Variants in PHKB observed in about 807,000 individuals in gnomAD.
PHKB encodes phosphorylase b kinase regulatory subunit beta.
In PHKB, 122 loss-of-function variants were observed where a neutral mutation model predicts 152.1. The ratio of observed to expected loss-of-function variants is 0.80; its 90% CI spans 0.69 to 0.93. The LOEUF (loss-of-function observed/expected upper bound fraction) is 0.93, where lower values mean the gene tolerates loss of function less well. PHKB is among the 40% of genes least tolerant of loss of function. PHKB has a pLI of 0.00. For synonymous variants in PHKB, 436 were observed against 464.9 expected, an observed-to-expected ratio of 0.94 and a Z score of 0.80; for missense variants, 1,304 against 1,328.4, an observed-to-expected ratio of 0.98 and a Z score of 0.29.
intron 1 of PHKB, among the ~76,000 whole-genome samples, chr16:47,475,624 A>G (rs1319024389): frequency 6.6e-6 from 1 of 152,242 alleles, no homozygotes; most frequent in Non-Finnish European, 1.5e-5. Context: ...TGCTAAATGT[A>G]GGAAATAGAA....
At chr16:47,568,114 A>G (rs946399981) in intron 7 of PHKB, among the ~76,000 whole-genome samples, 2 of 152,148 alleles carry the variant, frequency 1.3e-5, no homozygotes, top group Non-Finnish European at 1.5e-5. Context: ...GATTGGTACC[A>G]GTTATTTGAA....
intron 7 of PHKB, among the ~76,000 whole-genome samples, chr16:47,562,991 A>G (rs751475742): frequency 4.6e-5 from 7 of 152,114 alleles, no homozygotes; most frequent in Non-Finnish European, 8.8e-5. Context: ...GCTCATCCAT[A>G]AGAATCAATT....
chr16:47,483,100 G>A (rs534175460), intron 1 of PHKB, among the ~76,000 whole-genome samples: 20 of 138,594 alleles, frequency 1.4e-4, no homozygotes, highest in East Asian at 9.0e-4. Context: ...GTGCAGTGGC[G>A]TGATCTCAGC....
intron 1 of PHKB, among the ~76,000 whole-genome samples, chr16:47,482,643 C>G (rs1332555568): frequency 2.0e-5 from 3 of 152,130 alleles, no homozygotes; most frequent in African/African-American, 7.2e-5. Flanking sequence ...TACTTCTGTA[C>G]GACTTGCGTA....
At chr16:47,558,676 G>A (rs1338289473) in intron 7 of PHKB, among the ~76,000 whole-genome samples, 2 of 152,190 alleles carry the variant, frequency 1.3e-5, no homozygotes, top group Admixed American at 6.5e-5. Context: ...AGCCTCTCTA[G>A]TAGCTGGGAT....
At chr16:47,684,825 G>A (rs535063635) in intron 26 of PHKB, among the ~76,000 whole-genome samples, 4 of 151,986 alleles carry the variant, frequency 2.6e-5, no homozygotes, top group African/African-American at 2.4e-5. Context: ...TCCCAGAACT[G>A]TCTGAAGAAT....
intron 1 of PHKB, among the ~76,000 whole-genome samples, chr16:47,465,111 A>G (rs980738664): frequency 3.9e-5 from 6 of 152,268 alleles, no homozygotes; most frequent in African/African-American, 9.6e-5. Flanking sequence ...AAAACTCTTT[A>G]AGGAACTAAA....
intron 7 of PHKB, among the ~76,000 whole-genome samples, chr16:47,555,875 A>G (rs1971359917): frequency 6.6e-6 from 1 of 152,140 alleles, no homozygotes; most frequent in South Asian, 2.1e-4. Context: ...CAGTATGGCC[A>G]TTTTCACGAT....
rs755527443 is a variant in PHKB, at chr16:47,594,187, A to G, written c.1177A>G (p.Thr393Ala). The G allele has an allele frequency of 1.3e-6, 2 of 1,571,304 alleles. No homozygotes were observed. The highest frequency in any genetic ancestry group is 1.7e-5 in the Admixed American group (1 of 59,858). The change falls in exon 12 of 31, where the codon ACT (threonine) becomes GCT (alanine). Residue 393 changes from threonine (T) to alanine (A), a missense_variant. Thr to Ala is a moderately conservative substitution (Grantham distance 58). Transcript: ENST00000323584. ...AGTACAGGAATATCAGGATCTTTTGACTCCAGTACTTCATCATACCACAGA... is the reference window on the plus strand; with the variant it reads ...AGTACAGGAATATCAGGATCTTTTGGCTCCAGTACTTCATCATACCACAGA... ...KQVQEYQDLL[T>A]PVLHHTTEGY...
chr16:47,557,554 C>T (rs964448446), intron 7 of PHKB, among the ~76,000 whole-genome samples: 2 of 152,114 alleles, frequency 1.3e-5, no homozygotes, highest in African/African-American at 4.8e-5. Flanking sequence ...ACAAACAACC[C>T]CATCAAAAAG....
Position 47,596,549 on chromosome 16 carries a change from G to A in PHKB, c.1363+18G>A. 1 of 1,609,830 alleles carries A rather than the reference G, an allele frequency of 6.2e-7. No homozygotes were observed. The highest frequency in any genetic ancestry group is 8.5e-7 in the Non-Finnish European group (1 of 1,176,664). On this transcript the variant is annotated intron_variant, in intron 13 of 30. Coordinates refer to ENST00000323584, the MANE Select transcript of PHKB (RefSeq NM_000293.3). Reference sequence around the variant, plus strand: ...ACTCCTGGGTAAGTGGAGAAGATTGGGAATGGTATTTTTTTCCTTGTTATT... The same window carrying A: ...ACTCCTGGGTAAGTGGAGAAGATTGAGAATGGTATTTTTTTCCTTGTTATT...
At chr16:47,591,965 GAGACATTTGACAATGTCTGC>G (rs1365687508) in intron 10 of PHKB, among the ~76,000 whole-genome samples, 5 of 152,150 alleles carry the variant, frequency 3.3e-5, no homozygotes, top group African/African-American at 1.2e-4. Context: ...TGCCCTCCAG[GAGACATTTGACAATGTCTGC>G]AGACATTTTG....
At chr16:47,546,913 G>C (rs1198019921) in intron 6 of PHKB, among the ~76,000 whole-genome samples, 1 of 152,156 alleles carries the variant, frequency 6.6e-6, no homozygotes, top group Non-Finnish European at 1.5e-5. Flanking sequence ...CGCTGAGCAA[G>C]GTGCAGGATA....
In PHKB at chr16:47,553,313, G is replaced by A. The variant is rs555234745; in HGVS notation, c.710+5765G>A. Reference sequence around the variant, plus strand: ...TTCAATCTCTGATATCCTTTCTTCCGCTTGATCGATTCGGCTCTTGATAAC... The same window carrying A: ...TTCAATCTCTGATATCCTTTCTTCCACTTGATCGATTCGGCTCTTGATAAC... On this transcript the variant is annotated intron_variant, in intron 7 of 30. Transcript: ENST00000323584. Among the ~76,000 whole-genome samples the A allele has an allele frequency of 5.9e-5, 9 of 151,584 alleles. No homozygotes were observed. In the South Asian group the frequency reaches 1.0e-3, roughly 18 times the overall value.
intron 27 of PHKB, among the ~76,000 whole-genome samples, chr16:47,691,875 T>G (rs2142105147): frequency 6.6e-6 from 1 of 152,348 alleles, no homozygotes; most frequent in Admixed American, 6.5e-5. Context: ...ATGTTTCTAC[T>G]TTTTCTGTTG....
At chr16:47,503,114 G>T in intron 4 of PHKB, 24 bp downstream of exon 4, 6 of 1,335,800 alleles carry the variant, frequency 4.5e-6, no homozygotes, top group Non-Finnish European at 6.5e-6. Flanking sequence ...GTGTGGACGG[G>T]AATTCTCCCA....
intron 25 of PHKB, chr16:47,665,682 T>C (rs538776255): frequency 1.8e-6 from 1 of 546,722 alleles, no homozygotes; most frequent in Non-Finnish European, 3.3e-6. Context: ...TTTTGCTTTT[T>C]ATATCAATAG....
intron 14 of PHKB, among the ~76,000 whole-genome samples, chr16:47,635,613 C>T (rs931681702): frequency 1.3e-5 from 2 of 152,146 alleles, no homozygotes; most frequent in Non-Finnish European, 2.9e-5. Flanking sequence ...ATCTAAGGCA[C>T]CTATCAGATG....
intron 1 of PHKB, among the ~76,000 whole-genome samples, chr16:47,485,970 A>G (rs1310643435): frequency 6.6e-6 from 1 of 152,056 alleles, no homozygotes; most frequent in Non-Finnish European, 1.5e-5. Flanking sequence ...ATTAAAAAAA[A>G]AAAAGTAGTA....
Sources: allele counts gnomAD v4.1 joint callset (sites outside exome capture counted in the v4.1 genomes callset), GRCh38; gene constraint gnomAD v4.1.1; transcripts MANE v1.5; gene names NCBI Gene and HGNC (gene_info 2026-07-23, HGNC 2026-07-21).